Variants in DMD observed in about 807,000 individuals in gnomAD.
DMD encodes the protein dystrophin.
In DMD, 63 loss-of-function variants were observed where a neutral mutation model predicts 330.1. The observed-to-expected ratio is 0.19, with a 90% CI of 0.16 to 0.24. DMD has a LOEUF of 0.24. Among genes scored for constraint, DMD ranks in the 10% least tolerant of loss-of-function variants. The pLI, the probability that DMD is intolerant of heterozygous loss-of-function variation, is 1.00. For synonymous variants in DMD, 1,223 were observed against 959.8 expected (o/e 1.27, Z -5.07); for missense variants, 3,344 against 2,684.1 (o/e 1.25, Z -5.43).
chrX:31,746,054 T>C (rs1473916575), intron 51 of DMD, among the ~76,000 whole-genome samples: 1 of 112,492 alleles, frequency 8.9e-6, no homozygotes, highest in Non-Finnish European at 1.9e-5. Context: ...ATTGTGCTCA[T>C]CTGTTCAAAA....
intron 2 of DMD, among the ~76,000 whole-genome samples, chrX:32,997,245 G>A (rs1160323278): frequency 1.9e-5 from 2 of 106,390 alleles, no homozygotes; most frequent in African/African-American, 6.7e-5. Context: ...AGAGCCTCCC[G>A]CCATTTTTTT....
chrX:32,660,024 A>T (rs759313614), intron 9 of DMD, among the ~76,000 whole-genome samples: 1 of 111,264 alleles, frequency 9.0e-6, no homozygotes, highest in East Asian at 2.8e-4. Flanking sequence ...AAAGCAGTGG[A>T]AAGTTCTTCA....
chrX:32,649,798 C>G (rs887953449), intron 9 of DMD, among the ~76,000 whole-genome samples: 9 of 110,353 alleles, frequency 8.2e-5, no homozygotes, highest in Non-Finnish European at 1.3e-4. Flanking sequence ...ATTTTAAAAT[C>G]CAGTTTACTA....
intron 62 of DMD, among the ~76,000 whole-genome samples, chrX:31,284,557 T>TTTC (rs201340042): frequency 0.034 from 2,630 of 78,025 alleles, 92 homozygotes; most frequent in African/African-American, 0.074. Context: ...TAACGAACTG[T>TTTC]TTCTTCTTCT....
At chrX:31,665,442 C>A (rs1176451864) in intron 53 of DMD, among the ~76,000 whole-genome samples, 1 of 111,492 alleles carries the variant, frequency 9.0e-6, no homozygotes, top group Non-Finnish European at 1.9e-5. Flanking sequence ...ACCTATAAAA[C>A]CTCTTTATGG....
chrX:31,307,304 G>T (rs1439297479), intron 62 of DMD, among the ~76,000 whole-genome samples: 1 of 111,731 alleles, frequency 9.0e-6, no homozygotes, highest in East Asian at 2.8e-4. Context: ...AGTATGCTCT[G>T]AATCTACCAG....
intron 4 of DMD, among the ~76,000 whole-genome samples, chrX:32,823,920 CTG>C (rs1200313330): frequency 2.7e-5 from 3 of 111,616 alleles, no homozygotes; most frequent in African/African-American, 6.5e-5. Flanking sequence ...AGGCAAATCT[CTG>C]TGTCTCCTGT....
intron 2 of DMD, among the ~76,000 whole-genome samples, chrX:32,859,859 G>C (rs2081943254): frequency 9.0e-6 from 1 of 111,066 alleles, no homozygotes; most frequent in Non-Finnish European, 1.9e-5. Flanking sequence ...CTTTTCAAGT[G>C]TATGAGAACT....
At chrX:33,031,683 A>G (rs1323725396) in intron 1 of DMD, among the ~76,000 whole-genome samples, 1 of 110,981 alleles carries the variant, frequency 9.0e-6, no homozygotes, top group Non-Finnish European at 1.9e-5. Context: ...ACGCAGGAGA[A>G]TCACTTGAAC....
At chrX:31,517,789 C>T (rs886862674) in intron 55 of DMD, among the ~76,000 whole-genome samples, 10 of 111,262 alleles carry the variant, frequency 9.0e-5, no homozygotes, top group African/African-American at 2.9e-4. Flanking sequence ...CCATCCTTCT[C>T]TTGTCCTACC....
chrX:32,558,399 A>T (rs1285058357), intron 16 of DMD, among the ~76,000 whole-genome samples: 4 of 112,023 alleles, frequency 3.6e-5, no homozygotes, highest in African/African-American at 1.3e-4. Flanking sequence ...TAGGAAAAAG[A>T]CTTGTATTTG....
At chrX:31,659,859 G>A (rs1057441478) in intron 53 of DMD, among the ~76,000 whole-genome samples, 1 of 110,423 alleles carries the variant, frequency 9.1e-6, no homozygotes, top group African/African-American at 3.3e-5. Context: ...AGCTGAACAC[G>A]AAATGGAAGA....
At chrX:33,327,192 C>G (rs1367413075) in intron 1 of DMD, among the ~76,000 whole-genome samples, 2 of 111,477 alleles carry the variant, frequency 1.8e-5, no homozygotes, top group African/African-American at 6.5e-5. Context: ...ATTTAAATTT[C>G]TAAGTGGAAG....
rs72470530 is a variant in DMD at position 32,844,874 on chromosome X, A to C, written c.187-14T>G. 4 of 1,188,707 alleles carry C rather than the reference A, an allele frequency of 3.4e-6. No individual in the cohort carries two copies. The highest frequency in any genetic ancestry group is 4.6e-6 in the Non-Finnish European group (4 of 874,546). ...TTTTTCTTTTGGCTGAGAACAAAAC[A>C]AAAGAGTGTTCACTGACCAGCAGAG... On this transcript the variant is annotated splice_polypyrimidine_tract_variant and intron_variant, in intron 3 of 78. Coordinates refer to ENST00000357033, the MANE Select transcript of DMD (RefSeq NM_004006.3).
At chrX:33,181,323 T>A (rs1569557685) in intron 1 of DMD, among the ~76,000 whole-genome samples, 1 of 105,702 alleles carries the variant, frequency 9.5e-6, no homozygotes, top group Non-Finnish European at 1.9e-5. Flanking sequence ...AGTATCTTGA[T>A]AACCCCAGGC....
intron 7 of DMD, among the ~76,000 whole-genome samples, chrX:32,715,375 G>A (rs929055858): frequency 2.8e-5 from 3 of 106,029 alleles, no homozygotes; most frequent in Non-Finnish European, 5.8e-5. Flanking sequence ...TATTCAGGAG[G>A]CTGAGGCAGG....
intron 55 of DMD, among the ~76,000 whole-genome samples, chrX:31,535,369 G>C (rs1267580712): frequency 4.7e-5 from 2 of 42,407 alleles, no homozygotes; most frequent in African/African-American, 1.9e-4. Context: ...ACAAACCTGA[G>C]AAAAACAAGC....
At chrX:33,247,448 G>A (rs184839743) in intron 1 of DMD, among the ~76,000 whole-genome samples, 1,906 of 111,544 alleles carry the variant, frequency 0.017, 37 homozygotes, top group African/African-American at 0.059. Flanking sequence ...ACAATTCCTA[G>A]AATATATTTA....
At chrX:32,099,150 C>A (rs1223540857) in intron 44 of DMD, among the ~76,000 whole-genome samples, 1 of 111,789 alleles carries the variant, frequency 8.9e-6, no homozygotes, top group African/African-American at 3.3e-5. Context: ...CCATCCTCTC[C>A]AGCACCTGTT....
Sources: allele counts gnomAD v4.1 joint callset (sites outside exome capture counted in the v4.1 genomes callset), GRCh38; gene constraint gnomAD v4.1.1; transcripts MANE v1.5; gene names NCBI Gene and HGNC (gene_info 2026-07-23, HGNC 2026-07-21).